YEATS2: variants seen among roughly 807,000 people sequenced by gnomAD.
YEATS2 encodes YEATS domain-containing protein 2.
YEATS2 carries 77 observed loss-of-function variants against 163.2 expected under a neutral mutation model. The ratio of observed to expected loss-of-function variants is 0.47; its 90% confidence interval spans 0.39 to 0.57. The LOEUF is 0.57. Ranked by LOEUF, YEATS2 falls within the 20% of genes least tolerant of loss-of-function variation. YEATS2 has a pLI of 0.00. For missense variants in YEATS2, 1,549 were observed against 1,729.8 expected, an observed-to-expected ratio of 0.90 and a Z score of 1.85; for synonymous variants, 631 against 645.1, an observed-to-expected ratio of 0.98 and a Z score of 0.33.
intron 1 of YEATS2, among the ~76,000 whole-genome samples, chr3:183,700,061 AT>A (rs199673544): frequency 1.3e-5 from 2 of 151,904 alleles, no homozygotes; most frequent in Admixed American, 6.6e-5. Flanking sequence ...ATGTTTGAAC[AT>A]TTTTTTCCCA....
At chr3:183,769,077 G>C (rs2109402024) in intron 15 of YEATS2, among the ~76,000 whole-genome samples, 1 of 152,278 alleles carries the variant, frequency 6.6e-6, no homozygotes, top group Non-Finnish European at 1.5e-5. Context: ...AGGTTAACTT[G>C]CTTTTTAAAA....
chr3:183,799,817 GTTT>G (rs71629992), intron 23 of YEATS2, among the ~76,000 whole-genome samples: 5 of 133,052 alleles, frequency 3.8e-5, no homozygotes, highest in African/African-American at 5.5e-5. Flanking sequence ...GAGTAGCATT[GTTT>G]TTTTTTTTTT....
chr3:183,783,288 A>G (rs780389493), intron 19 of YEATS2, among the ~76,000 whole-genome samples: 25 of 152,248 alleles, frequency 1.6e-4, no homozygotes, highest in South Asian at 8.3e-4. Flanking sequence ...TCAGAAACTA[A>G]TAAATGGTGT....
At chr3:183,734,728 C>T (rs1718160244) in intron 7 of YEATS2, among the ~76,000 whole-genome samples, 1 of 152,150 alleles carries the variant, frequency 6.6e-6, no homozygotes, top group Non-Finnish European at 1.5e-5. Context: ...CAGGGTCACT[C>T]AGAGTGATGC....
At chr3:183,742,555 C>T (rs830181) in intron 8 of YEATS2, among the ~76,000 whole-genome samples, 62,419 of 152,098 alleles carry the variant, frequency 0.41, 13,497 homozygotes, top group East Asian at 0.65. Context: ...ATGATTAAAC[C>T]TTAATGCATG....
chr3:183,776,210 G>A, intron 18 of YEATS2, 87 bp downstream of exon 18: 1 of 1,326,486 alleles, frequency 7.5e-7, no homozygotes, highest in Non-Finnish European at 1.0e-6. Context: ...TACGGCTCTG[G>A]GATCAGGGTT....
chr3:183,774,072 G>A (rs1050390463), intron 17 of YEATS2, among the ~76,000 whole-genome samples: 2 of 152,210 alleles, frequency 1.3e-5, no homozygotes, highest in African/African-American at 4.8e-5. Context: ...CATGAATGAA[G>A]TGGTGTCTGA....
chr3:183,729,211 G>A (rs1717447324), intron 7 of YEATS2, among the ~76,000 whole-genome samples: 1 of 151,874 alleles, frequency 6.6e-6, no homozygotes, highest in Admixed American at 6.6e-5. Context: ...GGCGGAGCTT[G>A]CAGTGAGCTG....
chr3:183,731,591 T>C (rs1205364407), intron 7 of YEATS2, among the ~76,000 whole-genome samples: 6 of 152,242 alleles, frequency 3.9e-5, no homozygotes, highest in African/African-American at 1.2e-4. Flanking sequence ...AAGAAGTCTT[T>C]ACTAATCTGT....
At chr3:183,768,069 C>G (rs1400801963) in intron 15 of YEATS2, among the ~76,000 whole-genome samples, 1 of 152,172 alleles carries the variant, frequency 6.6e-6, no homozygotes, top group Admixed American at 6.5e-5. Context: ...TTGAAGACTG[C>G]TATCTTAGTT....
At chr3:183,760,313 A>AT (rs11417378) in intron 13 of YEATS2, among the ~76,000 whole-genome samples, 20,661 of 109,326 alleles carry the variant, frequency 0.19, 2,979 homozygotes, top group African/African-American at 0.37. Context: ...AAACTACAGA[A>AT]TTTTTTTTTT....
chr3:183,732,678 G>A (rs1344642355), intron 7 of YEATS2, among the ~76,000 whole-genome samples: 90 of 151,620 alleles, frequency 5.9e-4, no homozygotes, highest in Non-Finnish European at 1.5e-5. Context: ...TCCTGCCTCA[G>A]CCTCCTGAGT....
At chr3:183,722,743 C>T (rs917032560) in intron 5 of YEATS2, among the ~76,000 whole-genome samples, 1 of 152,202 alleles carries the variant, frequency 6.6e-6, no homozygotes, top group Admixed American at 6.5e-5. Context: ...ACCTCTGTCT[C>T]CCAGGTTCAA....
At chr3:183,767,542 A>G (rs369231114) in intron 15 of YEATS2, among the ~76,000 whole-genome samples, 1 of 151,912 alleles carries the variant, frequency 6.6e-6, no homozygotes, top group East Asian at 1.9e-4. Flanking sequence ...CACCATGCCT[A>G]GCTAATTTTT....
At chr3:183,745,267 G>A (rs978307502) in intron 8 of YEATS2, among the ~76,000 whole-genome samples, 1 of 152,168 alleles carries the variant, frequency 6.6e-6, no homozygotes, top group Non-Finnish European at 1.5e-5. Context: ...GCTTAAAACC[G>A]CAGAACCTTT....
At chr3:183,773,816 A>C in intron 17 of YEATS2, 22 bp downstream of exon 17, 1 of 1,589,800 alleles carries the variant, frequency 6.3e-7, no homozygotes, top group Non-Finnish European at 8.5e-7. Flanking sequence ...CATTGGGTTG[A>C]ATCATTTGGT....
chr3:183,698,141 C>G (rs1380720579), intron 1 of YEATS2, 148 bp downstream of exon 1: 2 of 151,798 alleles, frequency 1.3e-5, no homozygotes, highest in African/African-American at 4.8e-5. Flanking sequence ...GCCCCGGGGC[C>G]GAGGGGAGGG....
intron 7 of YEATS2, among the ~76,000 whole-genome samples, chr3:183,730,774 C>A (rs1322169614): frequency 6.6e-6 from 1 of 152,146 alleles, no homozygotes; most frequent in Non-Finnish European, 1.5e-5. Context: ...TTCTTAACAT[C>A]CATATAGACA....
chr3:183,798,151 A>G, intron 22 of YEATS2, 100 bp downstream of exon 22: 1 of 1,526,132 alleles, frequency 6.6e-7, no homozygotes, highest in Non-Finnish European at 8.9e-7. Flanking sequence ...GCCACCCTTC[A>G]GCTGTCACGG....
Sources: gnomAD v4.1 joint callset for allele counts (sites outside exome capture counted in the v4.1 genomes callset) on GRCh38, gnomAD v4.1.1 for gene constraint, MANE v1.5 for transcripts, NCBI Gene and HGNC (gene_info 2026-07-23, HGNC 2026-07-21) for gene names.